Variants in DHX33 observed in about 807,000 individuals in gnomAD.
DHX33 encodes the protein ATP-dependent RNA helicase DHX33.
DHX33 carries 42 observed loss-of-function variants against 72.5 expected under a neutral mutation model. The ratio of observed to expected loss-of-function variants is 0.58; its 90% CI spans 0.45 to 0.75. The LOEUF is 0.75. Among genes scored for constraint, DHX33 ranks in the 30% least tolerant of loss-of-function variants. The probability of loss-of-function intolerance (pLI) is 0.00; values close to 1 mark genes in which losing one functional copy is unlikely to be tolerated. For synonymous variants in DHX33, 358 were observed against 366.1 expected (o/e 0.98, Z 0.25); for missense variants, 842 against 917.5 (o/e 0.92, Z 1.06).
At chr17:5,466,404 C>T (rs1200004266) in intron 1 of DHX33, among the ~76,000 whole-genome samples, 1 of 152,012 alleles carries the variant, frequency 6.6e-6, no homozygotes, top group African/African-American at 2.4e-5. Flanking sequence ...CATCCTAAAT[C>T]GAGCAGCATC....
At position 5,444,038 on chromosome 17, in the gene DHX33, A is replaced by G; in HGVS notation, c.*167T>C. On this transcript the variant is annotated 3_prime_UTR_variant, in exon 12 of 12. Coordinates refer to ENST00000225296, the MANE Select transcript of DHX33 (RefSeq NM_020162.4). The surrounding 1 kb of genome is among the most constrained non-coding windows in gnomAD (Gnocchi z 4.9). ...GTACAAATGATATGTCCATGTCTATATGGTTCAGTCCCAGGAGTTGAGCAA... is the reference window on the plus strand; with the variant it reads ...GTACAAATGATATGTCCATGTCTATGTGGTTCAGTCCCAGGAGTTGAGCAA... The G allele has an allele frequency of 1.4e-6, 1 of 727,194 alleles. No individual in the cohort carries two copies. The highest frequency in any genetic ancestry group is 2.2e-6 in the Non-Finnish European group (1 of 452,552). The allele number at this position is 727,194 out of a possible 1,614,324, so 45.0% of individuals were successfully genotyped here.
At chr17:5,448,934 C>T in intron 10 of DHX33, 39 bp from the exon 11 acceptor site, 1 of 1,519,502 alleles carries the variant, frequency 6.6e-7, no homozygotes. Context: ...TCCACTCATT[C>T]ACCATTTATA....
chr17:5,459,058 G>T (rs1401908978), intron 4 of DHX33, among the ~76,000 whole-genome samples: 2 of 152,030 alleles, frequency 1.3e-5, no homozygotes, highest in African/African-American at 2.4e-5. Context: ...AAATTAGCCA[G>T]GTGTACTGGT....
chr17:5,454,446 T>A (rs1407548486), intron 6 of DHX33, among the ~76,000 whole-genome samples: 1 of 152,210 alleles, frequency 6.6e-6, no homozygotes, highest in Non-Finnish European at 1.5e-5. Flanking sequence ...CCAGTTCTGC[T>A]GTAAGACAGA....
In DHX33 at chr17:5,442,442, A is replaced by C. The variant is rs1377646769; in HGVS notation, c.*1763T>G. The C allele has an allele frequency of 6.6e-6, 1 of 152,164 alleles. No homozygotes were observed. The highest frequency in any genetic ancestry group is 1.5e-5 in the Non-Finnish European group (1 of 68,022). 9.4% of individuals were successfully genotyped at this position (152,164 alleles called of 1,614,324 possible). A position where few individuals can be genotyped will look rare whatever the true frequency, so the allele number is the denominator to read the frequency against. ...AGTGGAAGAACTGGTTCAAAGTTTAAGAATTCAGTAAGATAAGGTATATAG... is the reference window on the plus strand; with the variant it reads ...AGTGGAAGAACTGGTTCAAAGTTTACGAATTCAGTAAGATAAGGTATATAG... On this transcript the variant is annotated 3_prime_UTR_variant, in exon 12 of 12. Coordinates refer to ENST00000225296, the MANE Select transcript of DHX33 (RefSeq NM_020162.4).
chr17:5,460,504 T>G (rs978211015), intron 4 of DHX33, among the ~76,000 whole-genome samples: 11 of 145,766 alleles, frequency 7.5e-5, no homozygotes, highest in African/African-American at 2.8e-4. Flanking sequence ...TTATTCATTG[T>G]TTTTTTTTTG....
intron 1 of DHX33, among the ~76,000 whole-genome samples, chr17:5,464,963 T>C (rs1279008644): frequency 6.6e-6 from 1 of 152,164 alleles, no homozygotes; most frequent in Non-Finnish European, 1.5e-5. Flanking sequence ...CTTGTTCATC[T>C]CTCTTCCAGC....
At position 5,443,765 on chromosome 17, in the gene DHX33, G is replaced by C. The variant is rs753255141; in HGVS notation, c.*440C>G. The C allele has an allele frequency of 9.4e-5, 15 of 159,782 alleles. No individual in the cohort carries two copies. The highest frequency in any genetic ancestry group is 1.8e-4 in the Admixed American group (3 of 16,488). The allele number at this position is 159,782 out of a possible 1,614,324, so 9.9% of individuals were successfully genotyped here. ...AGTCACAAGAACTTGGGATATTGCT[G>C]TACTTCACATCATATGGCAAGCAGT... On this transcript the variant is annotated 3_prime_UTR_variant, in exon 12 of 12. Coordinates refer to ENST00000225296, the MANE Select transcript of DHX33 (RefSeq NM_020162.4).
chr17:5,452,963 G>A (rs554815509), intron 8 of DHX33, among the ~76,000 whole-genome samples: 1 of 152,236 alleles, frequency 6.6e-6, no homozygotes, highest in African/African-American at 2.4e-5. Flanking sequence ...AAAAGAAAAG[G>A]AAAATGGTGC....
intron 4 of DHX33, among the ~76,000 whole-genome samples, chr17:5,458,225 GC>G (rs1904416964): frequency 6.6e-6 from 1 of 152,058 alleles, no homozygotes; most frequent in African/African-American, 2.4e-5. Context: ...AGAGCCACCT[GC>G]CCCAACTGGA....
chr17:5,468,155 C>T (rs1056193622), intron 1 of DHX33, among the ~76,000 whole-genome samples: 3 of 152,156 alleles, frequency 2.0e-5, no homozygotes, highest in Non-Finnish European at 4.4e-5. Context: ...TTTTCATGCA[C>T]CAGAAACTAC....
chr17:5,460,022 T>C (rs1240271263), intron 4 of DHX33, among the ~76,000 whole-genome samples: 1 of 146,772 alleles, frequency 6.8e-6, no homozygotes, highest in Non-Finnish European at 1.5e-5. Context: ...TACCTTTTTT[T>C]TTTTTTTTTT....
At chr17:5,456,287 C>G (rs1390293409) in intron 4 of DHX33, 105 bp from the exon 5 acceptor site, 99 of 1,247,554 alleles carry the variant, frequency 7.9e-5, no homozygotes, top group Non-Finnish European at 9.0e-6. Flanking sequence ...TTTCTCTTAA[C>G]TATAGAAATG....
chr17:5,448,964 T>C, intron 10 of DHX33, 69 bp from the exon 11 acceptor site: 1 of 1,283,712 alleles, frequency 7.8e-7, no homozygotes. Context: ...AGACGGGGTC[T>C]TGCTCTGTTC....
intron 4 of DHX33, among the ~76,000 whole-genome samples, chr17:5,459,792 ACTT>A (rs781667601): frequency 1.7e-4 from 26 of 152,084 alleles, no homozygotes; most frequent in Non-Finnish European, 3.1e-4. Flanking sequence ...AAGACACAGT[ACTT>A]CTTCTTTAAA....
chr17:5,467,800 T>TA (rs1353745213), intron 1 of DHX33, among the ~76,000 whole-genome samples: 3 of 152,196 alleles, frequency 2.0e-5, no homozygotes, highest in African/African-American at 7.2e-5. Context: ...TATATACTCT[T>TA]AGTCTGTAAG....
intron 4 of DHX33, among the ~76,000 whole-genome samples, 191 bp downstream of exon 4, chr17:5,460,748 C>A (rs11869157): frequency 0.099 from 15,030 of 152,118 alleles, 831 homozygotes; most frequent in African/African-American, 0.15. Context: ...CTCAGGTGAT[C>A]CACCTGCCTC....
chr17:5,443,524 G>A lies in DHX33; in HGVS notation c.*681C>T, dbSNP rs982446098. 2.0e-5 allele frequency: 3 copies of A among 152,122 alleles called. No homozygotes were observed. The highest frequency in any genetic ancestry group is 7.2e-5 in the African/African-American group (3 of 41,392). The allele number at this position is 152,122 out of a possible 1,614,324, so 9.4% of individuals were successfully genotyped here. A position where few individuals can be genotyped will look rare whatever the true frequency, so the allele number is the denominator to read the frequency against. ...GAGGCTCCTTTACTGGTCTCTGCTT[G>A]GAGACAGACACAGAGTGGTCCACCC... On this transcript the variant is annotated 3_prime_UTR_variant, in exon 12 of 12. Transcript: ENST00000225296.
At chr17:5,448,538 A>T (rs1489269216) in intron 11 of DHX33, among the ~76,000 whole-genome samples, 1 of 152,236 alleles carries the variant, frequency 6.6e-6, no homozygotes, top group Non-Finnish European at 1.5e-5. Flanking sequence ...GAAGAATTCT[A>T]ACACTGGAAA....
Sources: allele counts gnomAD v4.1 joint callset (sites outside exome capture counted in the v4.1 genomes callset), GRCh38; gene constraint gnomAD v4.1.1; non-coding constraint Gnocchi (gnomAD v3.1); transcripts MANE v1.5; gene names NCBI Gene and HGNC (gene_info 2026-07-23, HGNC 2026-07-21).